Variants in MYO5B observed in about 807,000 individuals in gnomAD.
MYO5B encodes the protein myosin VB.
MYO5B carries 143 observed loss-of-function variants against 229.3 expected under a neutral mutation model. The observed-to-expected ratio is 0.62, with a 90% CI of 0.54 to 0.72. MYO5B has a LOEUF of 0.72. Ranked by LOEUF, MYO5B falls within the 30% of genes least tolerant of loss-of-function variation. The probability of loss-of-function intolerance (pLI) is 0.00; values close to 1 mark genes in which losing one functional copy is unlikely to be tolerated. For missense variants in MYO5B, 2,321 were observed against 2,331.0 expected (o/e 1.00, Z 0.09); for synonymous variants, 918 against 885.2 (o/e 1.04, Z -0.66).
At chr18:49,970,368 C>T (rs2025678126) in intron 10 of MYO5B, among the ~76,000 whole-genome samples, 1 of 152,078 alleles carries the variant, frequency 6.6e-6, no homozygotes, top group South Asian at 2.1e-4. Flanking sequence ...CCACCAGACA[C>T]TGGGGGTCTG....
At chr18:49,939,142 T>TTTTTC (rs1445188280) in intron 14 of MYO5B, among the ~76,000 whole-genome samples, 1 of 133,600 alleles carries the variant, frequency 7.5e-6, no homozygotes, top group Non-Finnish European at 1.6e-5. Context: ...ACTCTTTCTT[T>TTTTTC]TTTTTCTTTT....
At chr18:50,178,022 C>G (rs972347586) in intron 1 of MYO5B, among the ~76,000 whole-genome samples, 1 of 152,214 alleles carries the variant, frequency 6.6e-6, no homozygotes, top group Non-Finnish European at 1.5e-5. Context: ...TCCTTAATAG[C>G]AAGGACTATG....
intron 1 of MYO5B, among the ~76,000 whole-genome samples, chr18:50,169,984 T>C (rs1380998826): frequency 7.9e-6 from 1 of 127,280 alleles, no homozygotes; most frequent in Non-Finnish European, 1.7e-5. Flanking sequence ...AACTCTTTGA[T>C]TGTCGATGTC....
chr18:49,905,861 C>T (rs772201297), intron 19 of MYO5B, among the ~76,000 whole-genome samples: 4 of 152,112 alleles, frequency 2.6e-5, no homozygotes, highest in East Asian at 1.9e-4. Context: ...TGCTCGGGGT[C>T]GAGCTGGGGG....
intron 4 of MYO5B, among the ~76,000 whole-genome samples, chr18:50,026,640 C>G (rs965626387): frequency 3.3e-5 from 5 of 152,192 alleles, no homozygotes; most frequent in African/African-American, 1.2e-4. Context: ...TCTTACTCAA[C>G]TATGAATTCT....
intron 1 of MYO5B, among the ~76,000 whole-genome samples, chr18:50,096,552 C>G (rs1055443266): frequency 6.6e-6 from 1 of 152,112 alleles, no homozygotes; most frequent in African/African-American, 2.4e-5. Flanking sequence ...CCTCCTGGAT[C>G]AAGGTCACAC....
intron 39 of MYO5B, among the ~76,000 whole-genome samples, chr18:49,833,470 G>A (rs906858259): frequency 3.3e-5 from 5 of 150,538 alleles, no homozygotes; most frequent in African/African-American, 7.3e-5. Flanking sequence ...CTAGAACTGC[G>A]AGACACTGAA....
At chr18:49,882,352 ACCGTG>A (rs1378077059) in intron 22 of MYO5B, among the ~76,000 whole-genome samples, 1 of 42,278 alleles carries the variant, frequency 2.4e-5, no homozygotes, top group East Asian at 3.3e-3. Flanking sequence ...CCGGCCAGGT[ACCGTG>A]CGTGGCTCAC....
At position 49,936,349 on chromosome 18, in the gene MYO5B, A is replaced by T. The variant is rs2025250177; in HGVS notation, c.1906T>A (p.Phe636Ile). The change falls in exon 16 of 40, where the codon TTC (phenylalanine) becomes ATC (isoleucine). Residue 636 changes from phenylalanine to isoleucine, a missense_variant and splice_region_variant. This residue lies in a region of MYO5B where 2,113 missense variants were observed against 2,044.7 expected (regional missense o/e 1.03). Transcript: ENST00000285039. ...KEHKKTVGHQ[F>I]RTSLHLLMET... ...ATGAGCAGATGCAGGGAGGTACGGA[A>T]CTAGAGAGACAAAAGCCAGTGCTTG... The T allele has an allele frequency of 1.9e-6, 3 of 1,587,274 alleles. No individual in the cohort carries two copies. The highest frequency in any genetic ancestry group is 2.6e-6 in the Non-Finnish European group (3 of 1,164,292).
chr18:49,839,320 T>C, intron 35 of MYO5B, 26 bp from the exon 36 acceptor site: 1 of 1,610,812 alleles, frequency 6.2e-7, no homozygotes, highest in Non-Finnish European at 8.5e-7. Flanking sequence ...CGTGCACTAC[T>C]GAGTTCTCTG....
At chr18:50,128,701 C>A (rs548468317) in intron 1 of MYO5B, among the ~76,000 whole-genome samples, 34 of 152,288 alleles carry the variant, frequency 2.2e-4, no homozygotes, top group African/African-American at 7.9e-4. Context: ...CACGTGCCAG[C>A]ACCTAAGAAT....
intron 1 of MYO5B, among the ~76,000 whole-genome samples, chr18:50,128,025 G>T (rs80330920): frequency 0.037 from 5,648 of 152,306 alleles, 148 homozygotes; most frequent in Non-Finnish European, 0.06. Flanking sequence ...TGGTTCTCAG[G>T]CCTTTGGACT....
intron 1 of MYO5B, among the ~76,000 whole-genome samples, chr18:50,092,915 G>A (rs532418260): frequency 6.6e-6 from 1 of 152,256 alleles, no homozygotes; most frequent in Non-Finnish European, 1.5e-5. Context: ...AAAGGAAAAT[G>A]ACTGACAGAT....
intron 14 of MYO5B, among the ~76,000 whole-genome samples, chr18:49,947,624 C>A (rs2025389096): frequency 6.6e-6 from 1 of 152,116 alleles, no homozygotes; most frequent in Non-Finnish European, 1.5e-5. Context: ...TATAAGCTGA[C>A]TGAGCAGTAA....
intron 4 of MYO5B, among the ~76,000 whole-genome samples, chr18:50,009,004 G>A (rs2026133049): frequency 6.6e-6 from 1 of 152,138 alleles, no homozygotes; most frequent in Non-Finnish European, 1.5e-5. Flanking sequence ...AAGTACCATG[G>A]AGAGTATTAA....
intron 1 of MYO5B, among the ~76,000 whole-genome samples, chr18:50,058,710 C>G (rs1476868972): frequency 6.6e-6 from 1 of 152,040 alleles, no homozygotes; most frequent in African/African-American, 2.4e-5. Context: ...ACCTGGGAGG[C>G]TGAGGCAGAA....
chr18:50,006,376 T>C (rs935622859), intron 4 of MYO5B, among the ~76,000 whole-genome samples: 1 of 152,230 alleles, frequency 6.6e-6, no homozygotes, highest in Non-Finnish European at 1.5e-5. Context: ...GAAATTCCTT[T>C]CATGTAGAGG....
At chr18:50,073,472 C>T (rs1325789900) in intron 1 of MYO5B, among the ~76,000 whole-genome samples, 2 of 152,166 alleles carry the variant, frequency 1.3e-5, no homozygotes, top group Non-Finnish European at 2.9e-5. Context: ...TTCCTCCTTC[C>T]ACTCTGGCCA....
intron 29 of MYO5B, among the ~76,000 whole-genome samples, chr18:49,862,690 G>C (rs540247445): frequency 1.3e-5 from 2 of 152,160 alleles, no homozygotes; most frequent in African/African-American, 4.8e-5. Context: ...AGGGGACAGT[G>C]GTTGCTAAAC....
Sources: allele counts gnomAD v4.1 joint callset (sites outside exome capture counted in the v4.1 genomes callset), GRCh38; gene constraint gnomAD v4.1.1; regional missense constraint gnomAD v4.1.1; transcripts MANE v1.5; gene names NCBI Gene and HGNC (gene_info 2026-07-23, HGNC 2026-07-21).